The following PAPPA variants were observed in gnomAD, a reference collection of about 807,000 sequenced individuals.
The protein encoded by PAPPA is pappalysin 1.
A neutral mutation model predicts 164.0 loss-of-function variants in PAPPA; 60 were observed. The ratio of observed to expected loss-of-function variants is 0.37; its 90% CI spans 0.30 to 0.45. The LOEUF is 0.45. Ranked by LOEUF, PAPPA falls within the 20% of genes least tolerant of loss-of-function variation. The pLI, the probability that PAPPA is intolerant of heterozygous loss-of-function variation, is 1.00. For synonymous variants in PAPPA, 875 were observed against 814.1 expected, an observed-to-expected ratio of 1.07 and a Z score of -1.27; for missense variants, 1,782 against 2,087.3, an observed-to-expected ratio of 0.85 and a Z score of 2.85.
intron 13 of PAPPA, among the ~76,000 whole-genome samples, chr9:116,336,688 T>A (rs1235187750): frequency 6.6e-6 from 1 of 152,232 alleles, no homozygotes; most frequent in Non-Finnish European, 1.5e-5. Flanking sequence ...TACGTATTTG[T>A]TAGTTCTTTG....
At chr9:116,236,526 C>T (rs1844669858) in intron 7 of PAPPA, among the ~76,000 whole-genome samples, 1 of 146,474 alleles carries the variant, frequency 6.8e-6, no homozygotes, top group Non-Finnish European at 1.5e-5. Flanking sequence ...GGCGGGGTTG[C>T]AGTGAACCGA....
chr9:116,387,056 C>T (rs1224866630), intron 21 of PAPPA, among the ~76,000 whole-genome samples: 1 of 152,096 alleles, frequency 6.6e-6, no homozygotes, highest in Non-Finnish European at 1.5e-5. Context: ...AATCCCTTCC[C>T]TTACACACCC....
rs769352635 is a variant in PAPPA at position 116,235,593 on chromosome 9, G to A, written c.2688G>A (p.Met896Ile). 29 of 1,613,320 alleles carry A rather than the reference G, an allele frequency of 1.8e-5. No individual in the cohort carries two copies. Among genetic ancestry groups the A allele is most frequent in the Non-Finnish European group, 2.3e-5 (27 of 1,179,912 alleles). ...TGGTCCGGGACCCTCCTCTCCAGAT[G>A]GATGTGGCCTCCATCCTACATCTCA... Reference protein sequence around the residue: ...YKVVRDPPLQMDVASILHLNR... With the variant: ...YKVVRDPPLQIDVASILHLNR... The change falls in exon 7 of 22, where the codon ATG (methionine) becomes ATA (isoleucine). Residue 896 changes from methionine to isoleucine, a missense_variant. Met to Ile is a conservative substitution (Grantham distance 10, BLOSUM62 1). Around this residue, in one of 2 missense-constraint regions of PAPPA, gnomAD observed 1,324 missense variants for 1,656.9 expected, o/e 0.80. Coordinates refer to ENST00000328252, the MANE Select transcript of PAPPA (RefSeq NM_002581.5).
chr9:116,184,690 C>A (rs1007598197), intron 1 of PAPPA, among the ~76,000 whole-genome samples: 5 of 152,182 alleles, frequency 3.3e-5, no homozygotes, highest in African/African-American at 1.2e-4. Flanking sequence ...CATCAAAATT[C>A]AAAGTAAATT....
chr9:116,231,802 C>T (rs1844600993), intron 6 of PAPPA, among the ~76,000 whole-genome samples: 1 of 96,860 alleles, frequency 1.0e-5, no homozygotes, highest in African/African-American at 4.0e-5. Flanking sequence ...ACTATTGTTG[C>T]CCAGGCTGGA....
At chr9:116,285,612 T>TG (rs1235411833) in intron 9 of PAPPA, among the ~76,000 whole-genome samples, 1 of 152,146 alleles carries the variant, frequency 6.6e-6, no homozygotes, top group Non-Finnish European at 1.5e-5. Flanking sequence ...TAGATTGGAT[T>TG]GGGGGTCCCT....
chr9:116,345,256 A>G (rs1305956117), intron 14 of PAPPA, among the ~76,000 whole-genome samples: 2 of 152,140 alleles, frequency 1.3e-5, no homozygotes, highest in African/African-American at 2.4e-5. Context: ...TGTGTGATAA[A>G]TGCTGTCAAG....
chr9:116,176,170 T>C (rs1420803483), intron 1 of PAPPA, among the ~76,000 whole-genome samples: 1 of 152,224 alleles, frequency 6.6e-6, no homozygotes, highest in Non-Finnish European at 1.5e-5. Context: ...GAGACATTTC[T>C]ACCTGTAGGA....
chr9:116,393,938 C>G (rs1846927964), intron 21 of PAPPA, among the ~76,000 whole-genome samples: 1 of 152,134 alleles, frequency 6.6e-6, no homozygotes, highest in Non-Finnish European at 1.5e-5. Context: ...GGATTTTATT[C>G]TAAGACATAT....
intron 10 of PAPPA, among the ~76,000 whole-genome samples, chr9:116,307,374 C>G (rs1440308289): frequency 1.3e-5 from 2 of 151,906 alleles, no homozygotes; most frequent in Admixed American, 6.6e-5. Flanking sequence ...CTGAGGCGGG[C>G]GGATCACCTG....
intron 1 of PAPPA, among the ~76,000 whole-genome samples, chr9:116,175,232 G>C (rs1234700237): frequency 3.3e-5 from 5 of 152,148 alleles, no homozygotes; most frequent in Non-Finnish European, 7.3e-5. Flanking sequence ...CTCTAAATCA[G>C]GGCGCCCTCC....
chr9:116,191,407 G>A (rs1844041035), intron 2 of PAPPA, among the ~76,000 whole-genome samples: 1 of 152,186 alleles, frequency 6.6e-6, no homozygotes, highest in Admixed American at 6.5e-5. Flanking sequence ...GCACTGCACA[G>A]TAATATCTTA....
At chr9:116,288,580 A>T (rs1035729340) in intron 9 of PAPPA, 10 of 152,080 alleles carry the variant, frequency 6.6e-5, no homozygotes, top group African/African-American at 2.4e-4. Context: ...CAGCTAAGCA[A>T]TACAAATCAG....
At chr9:116,319,766 A>T (rs1225651820) in intron 10 of PAPPA, among the ~76,000 whole-genome samples, 5 of 152,170 alleles carry the variant, frequency 3.3e-5, no homozygotes, top group Admixed American at 6.5e-5. Flanking sequence ...TGGCCTTGGC[A>T]CCTTATTTAT....
chr9:116,276,663 G>A (rs549882076), intron 9 of PAPPA, among the ~76,000 whole-genome samples: 10 of 152,244 alleles, frequency 6.6e-5, no homozygotes, highest in Admixed American at 2.6e-4. Flanking sequence ...CCCCCACGTC[G>A]TCTTTCCCAG....
At chr9:116,224,295 G>C (rs752570893) in intron 5 of PAPPA, among the ~76,000 whole-genome samples, 14 of 152,172 alleles carry the variant, frequency 9.2e-5, no homozygotes, top group Non-Finnish European at 1.6e-4. Context: ...TGACTGGGTT[G>C]TTTCAGTTAT....
chr9:116,371,585 CT>C (rs1214921225), intron 19 of PAPPA, among the ~76,000 whole-genome samples: 1 of 151,952 alleles, frequency 6.6e-6, no homozygotes, highest in African/African-American at 2.4e-5. Flanking sequence ...TTCTTTTCTA[CT>C]TTTCTTTTTT....
At chr9:116,262,232 C>T (rs1020457622) in intron 7 of PAPPA, among the ~76,000 whole-genome samples, 2 of 150,604 alleles carry the variant, frequency 1.3e-5, no homozygotes, top group African/African-American at 4.9e-5. Context: ...AAAGATTCCA[C>T]AGAACAACCC....
chr9:116,389,865 A>G (rs569273877), intron 21 of PAPPA, among the ~76,000 whole-genome samples: 1 of 151,654 alleles, frequency 6.6e-6, no homozygotes, highest in South Asian at 2.1e-4. Flanking sequence ...ACACACTATA[A>G]AATATATTTA....
Sources: gnomAD v4.1 joint callset for allele counts (sites outside exome capture counted in the v4.1 genomes callset) on GRCh38, gnomAD v4.1.1 for gene constraint, gnomAD v4.1.1 regional missense constraint, MANE v1.5 for transcripts, NCBI Gene and HGNC (gene_info 2026-07-23, HGNC 2026-07-21) for gene names.